RORC: variants seen among roughly 807,000 people sequenced by gnomAD.
RORC encodes RAR related orphan receptor C.
In RORC, 13 loss-of-function variants were observed where a neutral mutation model predicts 64.5. The observed-to-expected ratio is 0.20, with a 90% CI of 0.13 to 0.32. RORC has a LOEUF of 0.32. Among genes scored for constraint, RORC ranks in the 10% least tolerant of loss-of-function variants. The probability of loss-of-function intolerance (pLI) is 1.00; values close to 1 mark genes in which losing one functional copy is unlikely to be tolerated. For missense variants in RORC, 468 were observed against 669.5 expected (o/e 0.70, Z 3.32); for synonymous variants, 277 against 259.3 (o/e 1.07, Z -0.65).
At chr1:151,825,957 G>T in intron 2 of RORC, 1 of 1,613,112 alleles carries the variant, frequency 6.2e-7, no homozygotes, top group Non-Finnish European at 8.5e-7. Context: ...TGGCTCTGCC[G>T]GCCTTGGCTC....
rs1306164138 is a variant in RORC, at chr1:151,815,169, T to G, written c.555A>C (p.Ser185=). 1 of 1,613,868 alleles carries G rather than the reference T, an allele frequency of 6.2e-7. No homozygotes were observed. Among genetic ancestry groups the G allele is most frequent in the East Asian group, 2.2e-5 (1 of 44,894 alleles). The change falls in exon 5 of 11, where the codon TCA becomes TCC. Residue 185 remains serine (S), a synonymous_variant. Transcript: ENST00000318247. ...GLLKASGSGP[S]YSNNLAKAGL... is the part of the protein sequence containing the mutation. ...CTGCCTTGGCCAAGTTGTTGGAATA[T>G]GAGGGCCCAGAGCCTGAGGCTTTCA...
At chr1:151,808,621 CA>C (rs1651404338) in intron 10 of RORC, among the ~76,000 whole-genome samples, 1 of 152,162 alleles carries the variant, frequency 6.6e-6, no homozygotes, top group African/African-American at 2.4e-5. Context: ...ATTCATTCAA[CA>C]AATATTTGTT....
chr1:151,813,448 G>A (rs1288468895), intron 7 of RORC, 40 bp downstream of exon 7: 1 of 1,613,218 alleles, frequency 6.2e-7, no homozygotes, highest in East Asian at 2.2e-5. Flanking sequence ...ACTTGGCTCT[G>A]TCCCCTTGTC....
chr1:151,828,314 C>T (rs562243704), intron 2 of RORC, among the ~76,000 whole-genome samples: 12 of 152,276 alleles, frequency 7.9e-5, no homozygotes, highest in African/African-American at 2.9e-4. Flanking sequence ...GGGATCCTCT[C>T]GATTCAGGGA....
rs138886588 is a variant in RORC, at chr1:151,814,643, C to T, written c.864G>A (p.Arg288=). 89 of 1,612,796 alleles carry T rather than the reference C, an allele frequency of 5.5e-5. No individual in the cohort carries two copies. In the African/African-American group the frequency reaches 1.1e-3, roughly 21 times the overall value. The change falls in exon 6 of 11, where the codon CGG becomes CGA. Residue 288 remains arginine (R), a synonymous_variant. Coordinates refer to ENST00000318247, the MANE Select transcript of RORC (RefSeq NM_005060.4). The stretch of plus-strand genomic sequence containing the variant: ...AGCGCTGCCGCAGCAGGTCCTCCAG[C>T]CGCAGCTGGCATGTCTCCCTGTAGG... ...CKSYRETCQL[R]LEDLLRQRSN...
intron 2 of RORC, among the ~76,000 whole-genome samples, chr1:151,821,298 A>C (rs1651986320): frequency 1.3e-5 from 2 of 151,844 alleles, no homozygotes; most frequent in South Asian, 4.2e-4. Context: ...CAAACCCCAG[A>C]ACCACCACCC....
At chr1:151,819,708 C>A (rs1032818269) in intron 2 of RORC, among the ~76,000 whole-genome samples, 12 of 152,176 alleles carry the variant, frequency 7.9e-5, no homozygotes, top group African/African-American at 2.7e-4. Flanking sequence ...CATCTCCCTG[C>A]CCCATGCTTG....
intron 2 of RORC, chr1:151,825,890 G>A (rs1393700584): frequency 1.9e-6 from 3 of 1,612,338 alleles, no homozygotes; most frequent in Non-Finnish European, 1.7e-6. Flanking sequence ...TGACGACAGG[G>A]TCCAGGCTCC....
rs546157818 is a variant in RORC at position 151,824,133 on chromosome 1, T to C, written c.70+5296A>G. ...TCCCAAGCCCCATGTGCTTTGACTT[T>C]TGCCATCGGCGGTTGGAGGGGCTGG... On this transcript the variant is annotated intron_variant, in intron 2 of 10. Transcript: ENST00000318247. Among the ~76,000 whole-genome samples the C allele has an allele frequency of 5.3e-5, 8 of 152,350 alleles. No individual in the cohort carries two copies. In the East Asian group the frequency reaches 1.5e-3, roughly 29 times the overall value.
intron 10 of RORC, among the ~76,000 whole-genome samples, chr1:151,808,470 C>T (rs1412210080): frequency 4.6e-5 from 7 of 152,214 alleles, no homozygotes; most frequent in Admixed American, 4.6e-4. Context: ...TGCCTCCCTC[C>T]CCCAGCTTAG....
intron 2 of RORC, among the ~76,000 whole-genome samples, chr1:151,818,665 G>C (rs1309727249): frequency 6.6e-6 from 1 of 152,182 alleles, no homozygotes; most frequent in Non-Finnish European, 1.5e-5. Context: ...TCTGAGTGGG[G>C]AGCCCTGGGG....
intron 5 of RORC, 106 bp downstream of exon 5, chr1:151,814,807 C>T (rs750721882): frequency 8.0e-5 from 124 of 1,544,362 alleles, no homozygotes; most frequent in Non-Finnish European, 1.0e-4. Context: ...CTCCGCCCCT[C>T]GTCTGGACCC....
chr1:151,807,633 G>A lies in RORC; in HGVS notation c.1396C>T (p.Leu466=), dbSNP rs1309076817. 2 of 1,614,066 alleles carry A rather than the reference G, an allele frequency of 1.2e-6. No homozygotes were observed. Among genetic ancestry groups the A allele is most frequent in the Middle Eastern group, 3.3e-4 (2 of 6,062 alleles). Reference sequence around the variant, plus strand: ...CTCCGAAGCTTCCCCTTGGGTGGCAGCTGGATATGGGTTAATGGGGAAGGG... The same window carrying A: ...CTCCGAAGCTTCCCCTTGGGTGGCAACTGGATATGGGTTAATGGGGAAGGG... ...KTHRQSILAK[L]PPKGKLRSLC... is the part of the protein sequence containing the mutation. Residue 466 remains leucine, a splice_region_variant and synonymous_variant, in exon 11 of 11, where the codon CTG becomes TTG. Transcript: ENST00000318247. The surrounding 1 kb of genome is among the most constrained non-coding windows in gnomAD (Gnocchi z 5.0).
intron 6 of RORC, chr1:151,814,192 T>C (rs1651653556): frequency 5.2e-6 from 1 of 191,062 alleles, no homozygotes; most frequent in African/African-American, 2.3e-5. Context: ...GGGCTGAGGA[T>C]AATTTACATA....
chr1:151,814,341 C>T (rs1483603018), intron 6 of RORC: 2 of 476,620 alleles, frequency 4.2e-6, no homozygotes, highest in African/African-American at 3.9e-5. Context: ...GGATGAAGGC[C>T]AGGTACAATT....
rs745845256 is a variant in RORC at position 151,813,552 on chromosome 1, G to A, written c.1002C>T (p.Phe334=). 3.3e-5 allele frequency: 54 copies of A among 1,614,116 alleles called. No individual in the cohort carries two copies. Among genetic ancestry groups the A allele is most frequent in the South Asian group, 3.3e-4 (30 of 91,070 alleles). The change falls in exon 7 of 11, where the codon TTC becomes TTT. Residue 334 remains phenylalanine, a synonymous_variant. Coordinates refer to ENST00000318247, the MANE Select transcript of RORC (RefSeq NM_005060.4). The part of the protein sequence containing the change: ...LTEAIQYVVE[F]AKRLSGFMEL... Reference sequence around the variant, plus strand: ...CCATAAAGCCTGAGAGCCTCTTGGCGAACTCCACCACGTACTGAATGGCCT... The same window carrying A: ...CCATAAAGCCTGAGAGCCTCTTGGCAAACTCCACCACGTACTGAATGGCCT...
chr1:151,808,896 G>C (rs1048743177), intron 10 of RORC, among the ~76,000 whole-genome samples: 1 of 152,186 alleles, frequency 6.6e-6, no homozygotes, highest in African/African-American at 2.4e-5. Flanking sequence ...CCCTCCAGGT[G>C]ACTACAATAG....
In RORC at chr1:151,825,567, G is replaced by T. The variant is rs566441005; in HGVS notation, c.70+3862C>A. Reference sequence around the variant, plus strand: ...ACTGTAACAGGAGAGTGCGTTCAGGGCCCCTAGTAATTACCAGCCCCCATC... The same window carrying T: ...ACTGTAACAGGAGAGTGCGTTCAGGTCCCCTAGTAATTACCAGCCCCCATC... On this transcript the variant is annotated intron_variant, in intron 2 of 10. Transcript: ENST00000318247. Among the ~76,000 whole-genome samples, 3 of 152,258 alleles carry T rather than the reference G, an allele frequency of 2.0e-5. No individual in the cohort carries two copies. In the South Asian group the frequency reaches 6.2e-4, roughly 32 times the overall value.
In RORC at chr1:151,826,015, G is replaced by A. The variant is rs201804961; in HGVS notation, c.70+3414C>T. On this transcript the variant is annotated intron_variant, in intron 2 of 10. Transcript: ENST00000318247. The stretch of plus-strand genomic sequence containing the variant: ...GGTCCAGGAGTGGGGTGCAGCTGGC[G>A]GCAGAGGCGGGGCGAGGCCCTCTCA... The A allele has an allele frequency of 5.2e-5, 84 of 1,603,340 alleles. 1 individual carries two copies. Among genetic ancestry groups the A allele is most frequent in the Middle Eastern group, 1.7e-4 (1 of 6,052 alleles).
Sources: gnomAD v4.1 joint callset for allele counts (sites outside exome capture counted in the v4.1 genomes callset) on GRCh38, gnomAD v4.1.1 for gene constraint, Gnocchi (gnomAD v3.1) non-coding constraint, MANE v1.5 for transcripts, NCBI Gene and HGNC (gene_info 2026-07-23, HGNC 2026-07-21) for gene names.